LRP1B: variants seen among roughly 807,000 people sequenced by gnomAD.
The protein encoded by LRP1B is LDL receptor related protein 1B.
LRP1B carries 217 observed loss-of-function variants against 556.6 expected under a neutral mutation model. That is an observed-to-expected ratio of 0.39 (90% confidence interval 0.35 to 0.44). The LOEUF (loss-of-function observed/expected upper bound fraction) is 0.44, where lower values mean the gene tolerates loss of function less well. LRP1B is among the 20% of genes least tolerant of loss of function. LRP1B has a pLI of 1.00. For synonymous variants in LRP1B, 2,047 were observed against 1,865.8 expected, an observed-to-expected ratio of 1.10 and a Z score of -2.50; for missense variants, 5,053 against 5,620.8, an observed-to-expected ratio of 0.90 and a Z score of 3.23.
At chr2:141,161,728 A>T (rs1680042183) in intron 7 of LRP1B, among the ~76,000 whole-genome samples, 1 of 152,242 alleles carries the variant, frequency 6.6e-6, no homozygotes. Flanking sequence ...CCTTTAGGGC[A>T]AAGTTGTGCT....
At chr2:140,619,001 G>A (rs1312913687) in intron 41 of LRP1B, among the ~76,000 whole-genome samples, 1 of 151,910 alleles carries the variant, frequency 6.6e-6, no homozygotes, top group African/African-American at 2.4e-5. Context: ...TACAATTGCA[G>A]AATGGATTGT....
chr2:141,889,625 T>G (rs1375554151), intron 1 of LRP1B, among the ~76,000 whole-genome samples: 1 of 152,132 alleles, frequency 6.6e-6, no homozygotes, highest in Admixed American at 6.6e-5. Flanking sequence ...TAATATCGTC[T>G]TATCTCCAGG....
At chr2:140,891,199 CAAG>C (rs1250292773) in intron 23 of LRP1B, among the ~76,000 whole-genome samples, 2 of 152,058 alleles carry the variant, frequency 1.3e-5, no homozygotes, top group East Asian at 1.9e-4. Flanking sequence ...TAGTGCTTTA[CAAG>C]AAGCTTTTAG....
chr2:141,165,365 A>G (rs1486090228), intron 7 of LRP1B, among the ~76,000 whole-genome samples: 1 of 151,982 alleles, frequency 6.6e-6, no homozygotes, highest in Non-Finnish European at 1.5e-5. Flanking sequence ...TATTGGATAT[A>G]TCTGTAAACT....
chr2:141,684,458 G>T (rs1235264343), intron 2 of LRP1B, among the ~76,000 whole-genome samples: 1 of 152,008 alleles, frequency 6.6e-6, no homozygotes, highest in Non-Finnish European at 1.5e-5. Context: ...CTGCCGGGGG[G>T]TGGGGGACTA....
chr2:140,721,009 C>G (rs1687381494), intron 35 of LRP1B, among the ~76,000 whole-genome samples: 1 of 151,952 alleles, frequency 6.6e-6, no homozygotes, highest in Admixed American at 6.6e-5. Context: ...TTTCTTCATC[C>G]CCCATTTTCC....
intron 2 of LRP1B, among the ~76,000 whole-genome samples, chr2:141,591,499 G>A (rs946797346): frequency 4.0e-5 from 6 of 151,534 alleles, no homozygotes; most frequent in African/African-American, 7.3e-5. Flanking sequence ...TGTGCTTATA[G>A]CAGAGGTCAA....
chr2:141,971,895 A>G (rs1263246128), intron 1 of LRP1B, among the ~76,000 whole-genome samples: 1 of 151,154 alleles, frequency 6.6e-6, no homozygotes, highest in Non-Finnish European at 1.5e-5. Context: ...GGCACTGATC[A>G]CTCTTCACCC....
chr2:140,810,790 G>A (rs1055693991), intron 32 of LRP1B, among the ~76,000 whole-genome samples: 1 of 152,184 alleles, frequency 6.6e-6, no homozygotes, highest in East Asian at 1.9e-4. Flanking sequence ...AGGCTAGAGT[G>A]CAATGGTGCA....
chr2:141,007,535 A>G (rs1450716966), intron 14 of LRP1B, among the ~76,000 whole-genome samples: 2 of 151,762 alleles, frequency 1.3e-5, no homozygotes, highest in African/African-American at 4.8e-5. Context: ...AGCAGCTTCC[A>G]GATAACGTCA....
chr2:141,259,532 C>G (rs1684608626), intron 3 of LRP1B, among the ~76,000 whole-genome samples: 1 of 152,218 alleles, frequency 6.6e-6, no homozygotes, highest in South Asian at 2.1e-4. Flanking sequence ...TCTCTGTACA[C>G]TTGTCAGCCA....
rs1000668918 is a variant in LRP1B at position 141,935,528 on chromosome 2, C to A, written c.83-125127G>T. On this transcript the variant is annotated intron_variant, in intron 1 of 90. Coordinates refer to ENST00000389484, the MANE Select transcript of LRP1B (RefSeq NM_018557.3). ...GAACAGACCAAGGAAAATATAGAAT[C>A]TTGTAAAATAAGGCATATGAAATAT... Among the ~76,000 whole-genome samples, 3 of 151,974 alleles carry A rather than the reference C, an allele frequency of 2.0e-5. No homozygotes were observed. In the South Asian group the frequency reaches 6.2e-4, roughly 32 times the overall value.
At chr2:140,453,478 T>C (rs1346583980) in intron 62 of LRP1B, among the ~76,000 whole-genome samples, 10 of 152,138 alleles carry the variant, frequency 6.6e-5, no homozygotes. Context: ...AAGACTAATA[T>C]CATCATAAAA....
chr2:141,088,642 G>A (rs1423302336), intron 7 of LRP1B, among the ~76,000 whole-genome samples: 1 of 152,088 alleles, frequency 6.6e-6, no homozygotes, highest in African/African-American at 2.4e-5. Context: ...TTTGTCAGTT[G>A]GCAACATTTA....
At chr2:141,422,013 A>T (rs1034332120) in intron 3 of LRP1B, among the ~76,000 whole-genome samples, 4 of 152,178 alleles carry the variant, frequency 2.6e-5, no homozygotes, top group African/African-American at 7.2e-5. Context: ...GACTATATTA[A>T]ACAGTGCCTA....
intron 2 of LRP1B, among the ~76,000 whole-genome samples, chr2:141,512,035 A>G (rs192080999): frequency 3.3e-4 from 50 of 152,312 alleles, no homozygotes; most frequent in African/African-American, 1.2e-3. Context: ...TCACATACAG[A>G]AAAAAGAAAT....
chr2:142,089,318 C>T (rs1216027979), intron 1 of LRP1B, among the ~76,000 whole-genome samples: 1 of 152,016 alleles, frequency 6.6e-6, no homozygotes, highest in East Asian at 1.9e-4. Context: ...TATTTGTAAA[C>T]TTATGCATAA....
intron 1 of LRP1B, among the ~76,000 whole-genome samples, chr2:141,901,691 T>C (rs1418701466): frequency 1.3e-5 from 2 of 151,906 alleles, no homozygotes; most frequent in African/African-American, 4.8e-5. Context: ...GGAAATATAG[T>C]ATGTGAGAAA....
intron 1 of LRP1B, among the ~76,000 whole-genome samples, chr2:141,870,673 T>C (rs1698554796): frequency 6.6e-6 from 1 of 151,938 alleles, no homozygotes; most frequent in African/African-American, 2.4e-5. Flanking sequence ...CAGCAGGAAT[T>C]AAGCACAAAT....
Sources: gnomAD v4.1 joint callset for allele counts (sites outside exome capture counted in the v4.1 genomes callset) on GRCh38, gnomAD v4.1.1 for gene constraint, MANE v1.5 for transcripts, NCBI Gene and HGNC (gene_info 2026-07-23, HGNC 2026-07-21) for gene names.